EPB41L4A: variants seen among roughly 807,000 people sequenced by gnomAD.
EPB41L4A encodes band 4.1-like protein 4A.
In EPB41L4A, 100 loss-of-function variants were observed where a neutral mutation model predicts 108.6. The observed-to-expected ratio is 0.92, with a 90% CI of 0.78 to 1.09. The LOEUF (loss-of-function observed/expected upper bound fraction) is 1.09, where lower values mean the gene tolerates loss of function less well. Ranked by LOEUF, EPB41L4A falls within the 50% of genes least tolerant of loss-of-function variation. The pLI is 0.00. For missense variants in EPB41L4A, 1,030 were observed against 842.7 expected, an observed-to-expected ratio of 1.22 and a Z score of -2.75; for synonymous variants, 319 against 289.0, an observed-to-expected ratio of 1.10 and a Z score of -1.05.
chr5:112,150,550 G>T (rs1372439786), intron 12 of EPB41L4A, among the ~76,000 whole-genome samples: 1 of 152,138 alleles, frequency 6.6e-6, no homozygotes, highest in African/African-American at 2.4e-5. Flanking sequence ...TGAGTTGGAA[G>T]ATAAAGCTGA....
chr5:112,317,199 C>T (rs1755483464), intron 1 of EPB41L4A, among the ~76,000 whole-genome samples: 1 of 152,082 alleles, frequency 6.6e-6, no homozygotes, highest in African/African-American at 2.4e-5. Flanking sequence ...TTGTTATATG[C>T]TTTATGTTTT....
At chr5:112,340,678 C>T (rs767190539) in intron 1 of EPB41L4A, among the ~76,000 whole-genome samples, 17 of 151,982 alleles carry the variant, frequency 1.1e-4, no homozygotes, top group Non-Finnish European at 2.4e-4. Context: ...CTTTTATATT[C>T]GCTAGTTCTG....
chr5:112,176,068 C>T (rs1405303352), intron 18 of EPB41L4A, among the ~76,000 whole-genome samples: 2 of 152,174 alleles, frequency 1.3e-5, no homozygotes, highest in African/African-American at 4.8e-5. Context: ...AGGAAAAACA[C>T]AAATACCTTG....
At chr5:112,159,244 G>A (rs1181048670), downstream of EPB41L4A, among the ~76,000 whole-genome samples, 2 of 152,056 alleles carry the variant, frequency 1.3e-5, no homozygotes, top group Non-Finnish European at 2.9e-5. Context: ...AACTTGATGT[G>A]TTCGGAGATA....
At chr5:112,285,829 T>C (rs1753243367) in intron 2 of EPB41L4A, among the ~76,000 whole-genome samples, 1 of 152,202 alleles carries the variant, frequency 6.6e-6, no homozygotes, top group Non-Finnish European at 1.5e-5. Context: ...CAGGCACTGT[T>C]GAGGACTCTA....
chr5:112,189,509 C>T (rs900361461), intron 17 of EPB41L4A, among the ~76,000 whole-genome samples: 12 of 152,104 alleles, frequency 7.9e-5, no homozygotes, highest in South Asian at 2.1e-4. Context: ...CTGACACTGA[C>T]GTACATGACT....
chr5:112,159,560 C>A (rs561039407), downstream of EPB41L4A, among the ~76,000 whole-genome samples: 13 of 152,334 alleles, frequency 8.5e-5, no homozygotes, highest in African/African-American at 3.1e-4. Context: ...GTGCCTTGCT[C>A]CTGCCTGGCT....
intron 12 of EPB41L4A, among the ~76,000 whole-genome samples, chr5:112,213,660 TAC>T (rs1390909116): frequency 6.6e-6 from 1 of 152,154 alleles, no homozygotes; most frequent in Non-Finnish European, 1.5e-5. Context: ...AGCCAACATG[TAC>T]AGTCTTTTTA....
At chr5:112,234,532 TAGAA>T in intron 12 of EPB41L4A, 98 bp downstream of exon 12, 2 of 1,074,764 alleles carry the variant, frequency 1.9e-6, no homozygotes, top group Non-Finnish European at 2.5e-6. Context: ...GAAATTTCAA[TAGAA>T]AGACTGTAGA....
intron 15 of EPB41L4A, among the ~76,000 whole-genome samples, chr5:112,203,153 T>G (rs1359498880): frequency 1.3e-5 from 2 of 151,842 alleles, no homozygotes; most frequent in Non-Finnish European, 2.9e-5. Flanking sequence ...GATCACGAGG[T>G]CAGGAGTTCG....
At chr5:112,413,208 A>C (rs1762513131) in intron 1 of EPB41L4A, among the ~76,000 whole-genome samples, 3 of 152,244 alleles carry the variant, frequency 2.0e-5, no homozygotes, top group Admixed American at 2.0e-4. Context: ...TGGTACTTAC[A>C]AAATACAAAA....
chr5:112,264,613 A>C, intron 6 of EPB41L4A: 1 of 228,086 alleles, frequency 4.4e-6, no homozygotes, highest in Non-Finnish European at 8.5e-6. Context: ...TATGTATGAC[A>C]AATTTTCTCT....
intron 1 of EPB41L4A, among the ~76,000 whole-genome samples, chr5:112,325,529 T>C (rs181252154): frequency 1.1e-4 from 16 of 150,938 alleles, no homozygotes; most frequent in African/African-American, 3.9e-4. Flanking sequence ...AAAAGCAGAG[T>C]AGAGTTTTAA....
At chr5:112,327,640 C>T (rs540333334) in intron 1 of EPB41L4A, among the ~76,000 whole-genome samples, 2 of 152,170 alleles carry the variant, frequency 1.3e-5, no homozygotes, top group African/African-American at 4.8e-5. Flanking sequence ...AATTTGAAAG[C>T]CCAAGAGTTT....
chr5:112,254,183 T>A lies in EPB41L4A; in HGVS notation c.795+5046A>T, dbSNP rs116134889. On this transcript the variant is annotated intron_variant, in intron 9 of 22. Transcript: ENST00000261486. Reference sequence around the variant, plus strand: ...CACAAGTGTGCTTACTACATGCCAATTTCTGGGCTTAGTCCTGTGTTAGGA... The same window carrying A: ...CACAAGTGTGCTTACTACATGCCAAATTCTGGGCTTAGTCCTGTGTTAGGA... Among the ~76,000 whole-genome samples the A allele has an allele frequency of 5.8e-3, 879 of 152,340 alleles. 3 individuals are homozygous for A. Among genetic ancestry groups the A allele is most frequent in the Middle Eastern group, 0.01 (3 of 294 alleles).
intron 1 of EPB41L4A, among the ~76,000 whole-genome samples, chr5:112,318,910 C>G (rs1755588801): frequency 6.6e-6 from 1 of 152,202 alleles, no homozygotes; most frequent in South Asian, 2.1e-4. Context: ...TCATACTCCC[C>G]TTCAATCTCC....
intron 10 of EPB41L4A, 30 bp from the exon 11 acceptor site, chr5:112,239,767 A>C (rs1749641045): frequency 6.5e-7 from 1 of 1,528,688 alleles, no homozygotes; most frequent in Non-Finnish European, 9.0e-7. Context: ...AAATCAGACA[A>C]AGACTCAATG....
At chr5:112,179,219 C>G (rs953813364) in intron 18 of EPB41L4A, among the ~76,000 whole-genome samples, 1 of 151,984 alleles carries the variant, frequency 6.6e-6, no homozygotes, top group African/African-American at 2.4e-5. Context: ...AAACCTTCCA[C>G]AAAGAACATT....
At chr5:112,266,449 C>G (rs1451581662) in intron 4 of EPB41L4A, 119 bp from the exon 5 acceptor site, 2 of 665,368 alleles carry the variant, frequency 3.0e-6, no homozygotes, top group Non-Finnish European at 5.1e-6. Flanking sequence ...AGTCACCCCC[C>G]ATTCTTGTGT....
Sources: allele counts gnomAD v4.1 joint callset (sites outside exome capture counted in the v4.1 genomes callset), GRCh38; gene constraint gnomAD v4.1.1; transcripts MANE v1.5; gene names NCBI Gene and HGNC (gene_info 2026-07-23, HGNC 2026-07-21).